XKR9: variants seen among roughly 807,000 people sequenced by gnomAD.
XKR9 encodes the protein XK-related protein 9.
A neutral mutation model predicts 32.0 loss-of-function variants in XKR9; 32 were observed. The observed-to-expected ratio is 1.00, with a 90% CI of 0.76 to 1.34. The LOEUF is 1.34. Ranked by LOEUF, XKR9 falls within the 40% of genes most tolerant of loss-of-function variation. The pLI is 0.00. For missense variants in XKR9, 546 were observed against 429.7 expected (o/e 1.27, Z -2.39); for synonymous variants, 168 against 143.4 (o/e 1.17, Z -1.22).
the XKR9 span, among the ~76,000 whole-genome samples, chr8:70,854,097 G>A: frequency 4.6e-5 from 7 of 152,120 alleles, no homozygotes; most frequent in African/African-American, 1.4e-4. Context: ...CTGAGGAATC[G>A]CCACACTGAC....
At chr8:70,979,177 C>T in the XKR9 span, among the ~76,000 whole-genome samples, 2 of 152,222 alleles carry the variant, frequency 1.3e-5, no homozygotes, top group African/African-American at 4.8e-5. Context: ...GTGATGGGTT[C>T]GAACATCCTC....
At chr8:70,944,450 A>G in the XKR9 span, among the ~76,000 whole-genome samples, 3 of 152,366 alleles carry the variant, frequency 2.0e-5, no homozygotes, top group African/African-American at 7.2e-5. Flanking sequence ...GGGAAAAATT[A>G]CCAAGAAAGA....
At chr8:70,744,307 C>A (rs1807027873) in intron 2 of XKR9, among the ~76,000 whole-genome samples, 1 of 100,938 alleles carries the variant, frequency 9.9e-6, no homozygotes, top group South Asian at 2.4e-4. Context: ...CGAGACTTCG[C>A]CTCAAAAAAA....
the XKR9 span, among the ~76,000 whole-genome samples, chr8:70,974,140 G>T: frequency 6.6e-6 from 1 of 151,612 alleles, no homozygotes; most frequent in Admixed American, 6.6e-5. Context: ...AAATTTGGGA[G>T]CTCCAGTGTT....
At chr8:70,740,585 A>C (rs548328877), downstream of XKR9, among the ~76,000 whole-genome samples, 2,524 of 151,034 alleles carry the variant, frequency 0.017, 51 homozygotes, top group African/African-American at 0.057. Context: ...TTTTTTCCCC[A>C]TCTTTGTGGT....
the XKR9 span, among the ~76,000 whole-genome samples, chr8:70,854,793 T>G: frequency 1.9e-4 from 29 of 152,280 alleles, no homozygotes; most frequent in African/African-American, 6.3e-4. Flanking sequence ...TTTCCCCATT[T>G]CTTGTTTTTG....
At chr8:70,686,879 A>G (rs1265886885) in intron 3 of XKR9, among the ~76,000 whole-genome samples, 1 of 152,154 alleles carries the variant, frequency 6.6e-6, no homozygotes, top group East Asian at 1.9e-4. Flanking sequence ...ATGTTTTGAT[A>G]GACATATATA....
the XKR9 span, among the ~76,000 whole-genome samples, chr8:71,001,742 G>A: frequency 1.1e-4 from 17 of 152,250 alleles, no homozygotes; most frequent in East Asian, 1.9e-4. Flanking sequence ...TTAAAGCCTC[G>A]TGAAATAATG....
intron 3 of XKR9, among the ~76,000 whole-genome samples, chr8:70,698,886 A>G (rs1251117625): frequency 6.6e-6 from 1 of 152,246 alleles, no homozygotes; most frequent in East Asian, 1.9e-4. Context: ...GGGTGCATAT[A>G]TATTTAGGAT....
chr8:71,021,897 A>G, the XKR9 span, among the ~76,000 whole-genome samples: 1 of 152,230 alleles, frequency 6.6e-6, no homozygotes, highest in Non-Finnish European at 1.5e-5. Flanking sequence ...ACTTAGTCAT[A>G]AATACTTTCC....
the XKR9 span, among the ~76,000 whole-genome samples, chr8:70,814,299 G>T: frequency 6.6e-6 from 1 of 152,026 alleles, no homozygotes; most frequent in Admixed American, 6.6e-5. Flanking sequence ...TTGTGGGGTG[G>T]GGGAAAGGGG....
the XKR9 span, among the ~76,000 whole-genome samples, chr8:70,866,863 C>T: frequency 6.6e-6 from 1 of 152,162 alleles, no homozygotes; most frequent in Non-Finnish European, 1.5e-5. Context: ...AAACACTTTT[C>T]ATAAATTATT....
At chr8:70,993,315 T>A in the XKR9 span, among the ~76,000 whole-genome samples, 1 of 152,186 alleles carries the variant, frequency 6.6e-6, no homozygotes, top group Non-Finnish European at 1.5e-5. Flanking sequence ...AGTTTGCTCA[T>A]CATGCCAGGG....
chr8:70,709,208 T>C (rs1320778720), intron 4 of XKR9, among the ~76,000 whole-genome samples: 1 of 152,154 alleles, frequency 6.6e-6, no homozygotes, highest in African/African-American at 2.4e-5. Context: ...ATCATCTCAA[T>C]AGACACAGAA....
chr8:70,930,878 T>C, the XKR9 span, among the ~76,000 whole-genome samples: 1 of 152,140 alleles, frequency 6.6e-6, no homozygotes, highest in Non-Finnish European at 1.5e-5. Context: ...TTTAGAATGT[T>C]GCAGTCCATA....
chr8:70,907,130 A>G, the XKR9 span, among the ~76,000 whole-genome samples: 1 of 152,140 alleles, frequency 6.6e-6, no homozygotes, highest in Non-Finnish European at 1.5e-5. Context: ...GATGTGTAAA[A>G]TATGCTAATA....
chr8:70,768,837 A>G (rs533218288), intron 2 of XKR9, among the ~76,000 whole-genome samples: 1 of 151,302 alleles, frequency 6.6e-6, no homozygotes, highest in East Asian at 1.9e-4. Flanking sequence ...TGCACATGAG[A>G]TGGGTCTCCT....
At chr8:70,712,899 C>G (rs1435343984) in intron 4 of XKR9, among the ~76,000 whole-genome samples, 2 of 151,732 alleles carry the variant, frequency 1.3e-5, no homozygotes, top group African/African-American at 4.8e-5. Flanking sequence ...CAATGGAAAA[C>G]AAAAGTTTGA....
the XKR9 span, among the ~76,000 whole-genome samples, chr8:70,929,755 G>A: frequency 6.6e-6 from 1 of 152,224 alleles, no homozygotes; most frequent in South Asian, 2.1e-4. Flanking sequence ...TTTAGATCTC[G>A]ATGACATCCT....
Sources: gnomAD v4.1 joint callset for allele counts (sites outside exome capture counted in the v4.1 genomes callset) on GRCh38, gnomAD v4.1.1 for gene constraint, MANE v1.5 for transcripts, NCBI Gene and HGNC (gene_info 2026-07-23, HGNC 2026-07-21) for gene names.